Variants in TRIP12 observed in about 807,000 individuals in gnomAD.
TRIP12 encodes E3 ubiquitin-protein ligase TRIP12.
A neutral mutation model predicts 244.2 loss-of-function variants in TRIP12; 25 were observed. The observed-to-expected ratio is 0.10, with a 90% CI of 0.07 to 0.14. The LOEUF (loss-of-function observed/expected upper bound fraction) is 0.14, where lower values mean the gene tolerates loss of function less well. Ranked by LOEUF, TRIP12 falls within the 10% of genes least tolerant of loss-of-function variation. The probability of loss-of-function intolerance (pLI) is 1.00; values close to 1 mark genes in which losing one functional copy is unlikely to be tolerated. For missense variants in TRIP12, 1,677 were observed against 2,486.4 expected, an observed-to-expected ratio of 0.67 and a Z score of 6.92; for synonymous variants, 905 against 873.1, an observed-to-expected ratio of 1.04 and a Z score of -0.64.
chr2:229,890,723 T>A (rs974779723), intron 1 of TRIP12, among the ~76,000 whole-genome samples: 1 of 152,164 alleles, frequency 6.6e-6, no homozygotes, highest in Non-Finnish European at 1.5e-5. Flanking sequence ...ATACCTAAAT[T>A]CATTTAGAAT....
chr2:229,791,939 C>T lies in TRIP12; in HGVS notation c.4342G>A (p.Glu1448Lys). 1 of 1,614,118 alleles carries T rather than the reference C, an allele frequency of 6.2e-7. No homozygotes were observed. Among genetic ancestry groups the T allele is most frequent in the Non-Finnish European group, 8.5e-7 (1 of 1,179,988 alleles). Residue 1448 changes from glutamate to lysine, a missense_variant, in exon 29 of 42, where the codon GAA (glutamate) becomes AAA (lysine). By Grantham distance (56) the Glu-to-Lys change is moderately conservative (BLOSUM62 1). Around this residue, in one of 11 missense-constraint regions of TRIP12, gnomAD observed 265 missense variants for 370.8 expected, o/e 0.71. Coordinates refer to ENST00000675903, the MANE Select transcript of TRIP12 (RefSeq NM_001348323.3). ...CTCTCATCATCTGTGGATTCTCTTT[C>T]ATCTTCAGCCTGTATACTAAACTGC... is the stretch of plus-strand genomic sequence containing the variant. ...VRQFSIQAED[E>K]RESTDDESNP...
chr2:229,902,302 C>A (rs1334331433), intron 1 of TRIP12, among the ~76,000 whole-genome samples: 1 of 152,078 alleles, frequency 6.6e-6, no homozygotes, highest in African/African-American at 2.4e-5. Flanking sequence ...ATCACTTAAA[C>A]CCAGGAGGCG....
chr2:229,918,556 GT>G lies in TRIP12; in HGVS notation c.-50+3323del, dbSNP rs144452634. On this transcript the variant is annotated intron_variant, in intron 1 of 41. Coordinates refer to ENST00000675903, the MANE Select transcript of TRIP12 (RefSeq NM_001348323.3). ...AACAGGTACTTTGTCAATAAAAAAC[GT>G]AAATGAATTTGAAGTTTCTTTAAAC... 1.6e-3 allele frequency among the ~76,000 whole-genome samples: 237 copies of G among 152,166 alleles called. 3 individuals are homozygous for G. The East Asian group carries it at 0.042, about 27-fold the overall frequency.
intron 1 of TRIP12, among the ~76,000 whole-genome samples, chr2:229,892,164 T>C (rs990260526): frequency 6.6e-6 from 1 of 151,938 alleles, no homozygotes; most frequent in African/African-American, 2.4e-5. Context: ...GTAAGTCCCA[T>C]GAAAAGTGAA....
intron 13 of TRIP12, 24 bp downstream of exon 13, chr2:229,813,846 A>G (rs1469939576): frequency 1.4e-6 from 2 of 1,445,490 alleles, no homozygotes; most frequent in African/African-American, 2.8e-5. Context: ...ACTTTATGGC[A>G]CATAAAATAG....
rs2041940486 is a variant in TRIP12 at position 229,793,068 on chromosome 2, G to C, written c.4046C>G (p.Pro1349Arg). ...CCACTGCTTCACATTTGCACAGTCT[G>C]GATGCCTTTGTAACTGGCATTTTAA... ...HQLKCQLQRH[P>R]DCANVKQWKG... The change falls in exon 27 of 42, where the codon CCA becomes CGA. Residue 1349 changes from proline (P) to arginine (R), a missense_variant. This residue lies in a region of TRIP12 where 265 missense variants were observed against 370.8 expected (regional missense o/e 0.71). Coordinates refer to ENST00000675903, the MANE Select transcript of TRIP12 (RefSeq NM_001348323.3). 6.2e-7 allele frequency: 1 copy of C among 1,613,714 alleles called. No homozygotes were observed.
chr2:229,803,662 T>C lies in TRIP12; in HGVS notation c.2907A>G (p.Gln969=). ...GTGCTCCCACTACTATCTTCAGGTC[T>C]TGGCTTGACAGCATGGAAGCAATGT... The part of the protein sequence containing the change: ...SSHIASMLSS[Q]DLKIVVGALQ... The change falls in exon 20 of 42, where the codon CAA becomes CAG. Residue 969 remains glutamine, a synonymous_variant. Transcript: ENST00000675903. The C allele has an allele frequency of 6.2e-7, 1 of 1,611,582 alleles. No homozygotes were observed. Among genetic ancestry groups the C allele is most frequent in the South Asian group, 1.1e-5 (1 of 90,218 alleles).
chr2:229,892,475 T>A (rs2067601281), intron 1 of TRIP12, among the ~76,000 whole-genome samples: 1 of 151,972 alleles, frequency 6.6e-6, no homozygotes, highest in Non-Finnish European at 1.5e-5. Context: ...CTTGGAAAAA[T>A]TTCATAACTA....
At chr2:229,873,065 T>C (rs1283941250) in intron 2 of TRIP12, among the ~76,000 whole-genome samples, 1 of 152,200 alleles carries the variant, frequency 6.6e-6, no homozygotes. Context: ...AAAATTATTC[T>C]CAGCCAGACT....
At chr2:229,768,823 A>G (rs2032963529) in intron 40 of TRIP12, 104 bp from the exon 41 acceptor site, 7 of 1,034,364 alleles carry the variant, frequency 6.8e-6, no homozygotes, top group Non-Finnish European at 9.6e-6. Context: ...TAGCACTTTT[A>G]AATTACACAT....
intron 1 of TRIP12, among the ~76,000 whole-genome samples, chr2:229,909,698 A>C (rs2073879144): frequency 6.6e-6 from 1 of 151,994 alleles, no homozygotes; most frequent in Non-Finnish European, 1.5e-5. Context: ...AAAAAAAAAA[A>C]ACAAAGTAGC....
In TRIP12 at chr2:229,813,862, T is replaced by C; in HGVS notation, c.1986+8A>G. ...CTTTATGGCACATAAAATAGATGCA[T>C]ATTTTACCTGATGTGTTAGCCTTTG... On this transcript the variant is annotated splice_region_variant and intron_variant, in intron 13 of 41. Coordinates refer to ENST00000675903, the MANE Select transcript of TRIP12 (RefSeq NM_001348323.3). 1 of 1,494,112 alleles carries C rather than the reference T, an allele frequency of 6.7e-7. No homozygotes were observed. The highest frequency in any genetic ancestry group is 9.1e-7 in the Non-Finnish European group (1 of 1,101,942). The allele number at this position is 1,494,112 out of a possible 1,614,324, so 92.6% of individuals were successfully genotyped here. A position where few individuals can be genotyped will look rare whatever the true frequency, so the allele number is the denominator to read the frequency against.
chr2:229,878,745 T>G (rs896066565), intron 2 of TRIP12, among the ~76,000 whole-genome samples: 1 of 151,552 alleles, frequency 6.6e-6, no homozygotes, highest in Admixed American at 6.6e-5. Flanking sequence ...CATGCCCAGC[T>G]AAATTTTTTT....
In TRIP12 at chr2:229,904,583, C is replaced by T. The variant is rs137984066; in HGVS notation, c.-50+17297G>A. ...GCAATATGATCTGCTATTATTAAAA[C>T]AGAGGCTAGAAGGAAAGACTACATA... is the stretch of plus-strand genomic sequence containing the variant. On this transcript the variant is annotated intron_variant, in intron 1 of 41. Transcript: ENST00000675903. Among the ~76,000 whole-genome samples the T allele has an allele frequency of 3.6e-4, 55 of 152,084 alleles. No individual in the cohort carries two copies. In the East Asian group the frequency reaches 9.7e-3, roughly 27 times the overall value.
chr2:229,856,818 C>T lies in TRIP12; in HGVS notation c.1027+1954G>A, dbSNP rs1331665535. Among the ~76,000 whole-genome samples, 4 of 152,220 alleles carry T rather than the reference C, an allele frequency of 2.6e-5. No individual in the cohort carries two copies. In the East Asian group the frequency reaches 7.7e-4, roughly 29 times the overall value. On this transcript the variant is annotated intron_variant, in intron 4 of 41. Coordinates refer to ENST00000675903, the MANE Select transcript of TRIP12 (RefSeq NM_001348323.3). ...TTAACTTGGACCTTTTTTTCCTTCTCACTTCAAGATACTGATCTAGCCTAT... is the reference window on the plus strand; with the variant it reads ...TTAACTTGGACCTTTTTTTCCTTCTTACTTCAAGATACTGATCTAGCCTAT...
At chr2:229,827,170 C>A (rs2051892823) in intron 8 of TRIP12, among the ~76,000 whole-genome samples, 1 of 151,726 alleles carries the variant, frequency 6.6e-6, no homozygotes, top group Non-Finnish European at 1.5e-5. Context: ...GTCCCAGCTA[C>A]TGGGGAGGCT....
intron 2 of TRIP12, 145 bp from the exon 3 acceptor site, chr2:229,860,676 A>T (rs1042432083): frequency 2.3e-6 from 2 of 875,116 alleles, no homozygotes; most frequent in African/African-American, 1.7e-5. Flanking sequence ...TATAAATTTT[A>T]ATTATTATTC....
intron 4 of TRIP12, among the ~76,000 whole-genome samples, chr2:229,855,111 C>CA (rs1397569453): frequency 6.6e-6 from 1 of 151,986 alleles, no homozygotes; most frequent in Non-Finnish European, 1.5e-5. Flanking sequence ...ACTAAAATCA[C>CA]AAAAAATTAG....
At position 229,791,864 on chromosome 2, in the gene TRIP12, G is replaced by A. The variant is rs1211362566; in HGVS notation, c.4415+2C>T. ...AACAAAAGAAAGAATTTTCAGACTT[G>A]CCATATTGTATGAGTCTTTGTCCAA... On this transcript the variant is annotated splice_donor_variant, in intron 29 of 41. Coordinates refer to ENST00000675903, the MANE Select transcript of TRIP12 (RefSeq NM_001348323.3). LOFTEE classifies it low-confidence loss of function (GC_TO_GT_DONOR). 6.2e-7 allele frequency: 1 copy of A among 1,610,686 alleles called. No individual in the cohort carries two copies. Among genetic ancestry groups the A allele is most frequent in the South Asian group, 1.1e-5 (1 of 90,012 alleles).
Sources: gnomAD v4.1 joint callset for allele counts (sites outside exome capture counted in the v4.1 genomes callset) on GRCh38, gnomAD v4.1.1 for gene constraint, gnomAD v4.1.1 regional missense constraint, MANE v1.5 for transcripts, NCBI Gene and HGNC (gene_info 2026-07-23, HGNC 2026-07-21) for gene names.